Variants in PPP3CA observed in about 807,000 individuals in gnomAD.
PPP3CA encodes protein phosphatase 3 catalytic subunit alpha, also known as CAM-PRP catalytic subunit.
In PPP3CA, 14 loss-of-function variants were observed where a neutral mutation model predicts 66.5. The ratio of observed to expected loss-of-function variants is 0.21; its 90% CI spans 0.14 to 0.33. PPP3CA has a LOEUF of 0.33. Ranked by LOEUF, PPP3CA falls within the 10% of genes least tolerant of loss-of-function variation. The probability of loss-of-function intolerance (pLI) is 1.00; values close to 1 mark genes in which losing one functional copy is unlikely to be tolerated. For missense variants in PPP3CA, 317 were observed against 639.5 expected (o/e 0.50, Z 5.44); for synonymous variants, 232 against 226.2 (o/e 1.03, Z -0.23).
At chr4:101,215,646 C>T (rs1256801955) in intron 1 of PPP3CA, among the ~76,000 whole-genome samples, 1 of 152,054 alleles carries the variant, frequency 6.6e-6, no homozygotes, top group Non-Finnish European at 1.5e-5. Context: ...GAGACAAGGA[C>T]TTGGTGACCA....
intron 6 of PPP3CA, among the ~76,000 whole-genome samples, chr4:101,091,847 A>G (rs1410066870): frequency 1.4e-5 from 2 of 145,648 alleles, no homozygotes; most frequent in African/African-American, 2.6e-5. Flanking sequence ...TAATAATAAT[A>G]ATAATAATAA....
At chr4:101,213,226 TAAA>T (rs35324040) in intron 1 of PPP3CA, among the ~76,000 whole-genome samples, 6,863 of 152,202 alleles carry the variant, frequency 0.045, 472 homozygotes, top group African/African-American at 0.15. Flanking sequence ...TGAAAACAGT[TAAA>T]AAGTTTCTTA....
chr4:101,285,993 G>A (rs1327441747), intron 1 of PPP3CA, among the ~76,000 whole-genome samples: 2 of 152,170 alleles, frequency 1.3e-5, no homozygotes, highest in African/African-American at 2.4e-5. Flanking sequence ...GCCAGGGACC[G>A]TTTTCGTGTA....
At chr4:101,318,368 AAC>A (rs1321714227) in intron 1 of PPP3CA, among the ~76,000 whole-genome samples, 1 of 152,222 alleles carries the variant, frequency 6.6e-6, no homozygotes, top group African/African-American at 2.4e-5. Context: ...CATGAAAGGA[AAC>A]ACAAAGAAAC....
At chr4:101,330,275 G>A (rs1254173580) in intron 1 of PPP3CA, 4 of 433,382 alleles carry the variant, frequency 9.2e-6, no homozygotes, top group Non-Finnish European at 1.8e-5. Context: ...AGATAGGACT[G>A]ACTTGGTGCA....
chr4:101,152,619 C>G (rs1447217348), intron 2 of PPP3CA, among the ~76,000 whole-genome samples: 1 of 152,130 alleles, frequency 6.6e-6, no homozygotes, highest in Non-Finnish European at 1.5e-5. Context: ...GTAAATTTTA[C>G]TAGAAACAGA....
chr4:101,142,058 A>C (rs1722825981), intron 2 of PPP3CA, among the ~76,000 whole-genome samples: 2 of 152,210 alleles, frequency 1.3e-5, no homozygotes, highest in South Asian at 2.1e-4. Flanking sequence ...GGTAAAAAAA[A>C]AAAAAAAAGA....
At chr4:101,181,528 A>C (rs1189309410) in intron 2 of PPP3CA, among the ~76,000 whole-genome samples, 1 of 152,114 alleles carries the variant, frequency 6.6e-6, no homozygotes, top group East Asian at 1.9e-4. Flanking sequence ...TTCCTCTGTT[A>C]TGCGAATAGT....
At chr4:101,248,738 T>A (rs1420131781) in intron 1 of PPP3CA, among the ~76,000 whole-genome samples, 1 of 152,236 alleles carries the variant, frequency 6.6e-6, no homozygotes, top group Admixed American at 6.5e-5. Flanking sequence ...GATTAAAGTA[T>A]CAGACTTGTA....
At chr4:101,322,701 G>T (rs1729079534) in intron 1 of PPP3CA, among the ~76,000 whole-genome samples, 1 of 152,086 alleles carries the variant, frequency 6.6e-6, no homozygotes. Context: ...TGAGCCAACT[G>T]CACTTGGCCT....
intron 8 of PPP3CA, among the ~76,000 whole-genome samples, chr4:101,071,551 A>G (rs1728917773): frequency 1.3e-5 from 2 of 152,324 alleles, no homozygotes; most frequent in Non-Finnish European, 2.9e-5. Flanking sequence ...TTTTAGTTCA[A>G]CTGAAGAATC....
chr4:101,115,212 G>T (rs976970970), intron 2 of PPP3CA, among the ~76,000 whole-genome samples: 1 of 151,984 alleles, frequency 6.6e-6, no homozygotes, highest in Admixed American at 6.6e-5. Flanking sequence ...CAGTCACAGG[G>T]CGAGTCTAAG....
At chr4:101,235,432 C>CAG (rs1726096843) in intron 1 of PPP3CA, among the ~76,000 whole-genome samples, 1 of 14,540 alleles carries the variant, frequency 6.9e-5, no homozygotes, top group African/African-American at 6.7e-4. Context: ...AACATACACT[C>CAG]ACACACACAC....
chr4:101,203,388 AG>A (rs1200184151), intron 1 of PPP3CA, among the ~76,000 whole-genome samples: 1 of 152,070 alleles, frequency 6.6e-6, no homozygotes, highest in Admixed American at 6.6e-5. Context: ...CCAGCTACTC[AG>A]GAGGCTAAGG....
intron 6 of PPP3CA, among the ~76,000 whole-genome samples, chr4:101,091,078 G>A (rs1466693518): frequency 6.6e-6 from 1 of 151,884 alleles, no homozygotes; most frequent in African/African-American, 2.4e-5. Flanking sequence ...AATATGATTT[G>A]AACAGCTGAC....
At chr4:101,073,130 G>A (rs1205830087) in intron 8 of PPP3CA, among the ~76,000 whole-genome samples, 2 of 151,300 alleles carry the variant, frequency 1.3e-5, no homozygotes, top group Non-Finnish European at 2.9e-5. Flanking sequence ...CATCTCAGAG[G>A]GTGATTTTTC....
chr4:101,283,650 T>C (rs1727752194), intron 1 of PPP3CA, among the ~76,000 whole-genome samples: 1 of 152,180 alleles, frequency 6.6e-6, no homozygotes. Context: ...GTCAGCACTC[T>C]GGCAGGTACG....
intron 1 of PPP3CA, among the ~76,000 whole-genome samples, chr4:101,201,324 C>T (rs964795748): frequency 6.6e-6 from 1 of 152,160 alleles, no homozygotes; most frequent in South Asian, 2.1e-4. Flanking sequence ...TCTACAAAAC[C>T]TCAACCTATT....
chr4:101,151,101 C>G (rs1723121814), intron 2 of PPP3CA, among the ~76,000 whole-genome samples: 3 of 152,184 alleles, frequency 2.0e-5, no homozygotes. Context: ...TTAAACATTA[C>G]TTTTAACATT....
Sources: gnomAD v4.1 joint callset for allele counts (sites outside exome capture counted in the v4.1 genomes callset) on GRCh38, gnomAD v4.1.1 for gene constraint, MANE v1.5 for transcripts, NCBI Gene and HGNC (gene_info 2026-07-23, HGNC 2026-07-21) for gene names.